The following RAB5C variants were observed in gnomAD, a reference collection of about 807,000 sequenced individuals.
RAB5C encodes the protein RAB5C, member RAS oncogene family.
RAB5C carries 4 observed loss-of-function variants against 25.2 expected under a neutral mutation model. The observed-to-expected ratio is 0.16, with a 90% CI of 0.08 to 0.36. The LOEUF is 0.36. Ranked by LOEUF, RAB5C falls within the 10% of genes least tolerant of loss-of-function variation. The pLI, the probability that RAB5C is intolerant of heterozygous loss-of-function variation, is 1.00. For synonymous variants in RAB5C, 100 were observed against 106.4 expected (o/e 0.94, Z 0.37); for missense variants, 199 against 283.8 (o/e 0.70, Z 2.15).
intron 1 of RAB5C, among the ~76,000 whole-genome samples, chr17:42,132,827 G>A (rs893800809): frequency 4.6e-5 from 7 of 151,714 alleles, no homozygotes; most frequent in Non-Finnish European, 7.4e-5. Flanking sequence ...CAAGCTTTAC[G>A]ACAACCTCCA....
intron 1 of RAB5C, among the ~76,000 whole-genome samples, chr17:42,150,473 G>C (rs770091201): frequency 2.2e-5 from 3 of 133,574 alleles, no homozygotes; most frequent in Non-Finnish European, 4.6e-5. Context: ...GAGCCCGGGA[G>C]ACAGAGGTTG....
chr17:42,127,619 C>T (rs552773899), intron 4 of RAB5C, among the ~76,000 whole-genome samples: 1 of 151,488 alleles, frequency 6.6e-6, no homozygotes, highest in South Asian at 2.1e-4. Flanking sequence ...TCACTGCTCA[C>T]TGCAGCCTCA....
intron 1 of RAB5C, among the ~76,000 whole-genome samples, chr17:42,148,826 T>A (rs552247972): frequency 6.6e-6 from 1 of 152,196 alleles, no homozygotes. Flanking sequence ...GGAGAGGCTG[T>A]ATTGAATAGC....
rs782273492 is a variant in RAB5C at position 42,125,876 on chromosome 17, C to A, written c.558G>T (p.Glu186Asp). The stretch of plus-strand genomic sequence containing the variant: ...CTGGAGCACCAGTTGCATTCTGGGG[C>A]TCGTTCTTGGGAAGCTTCTTAGCTG... Reference protein sequence around the residue: ...MAIAKKLPKNEPQNATGAPGR... With the variant: ...MAIAKKLPKNDPQNATGAPGR... Residue 186 changes from glutamate (E) to aspartate (D), a missense_variant, in exon 6 of 6, where the codon GAG becomes GAT. Transcript: ENST00000346213. 1 of 1,611,032 alleles carries A rather than the reference C, an allele frequency of 6.2e-7. No individual in the cohort carries two copies. The highest frequency in any genetic ancestry group is 8.5e-7 in the Non-Finnish European group (1 of 1,178,784).
intron 1 of RAB5C, among the ~76,000 whole-genome samples, chr17:42,147,068 AAG>A (rs2079640668): frequency 6.8e-6 from 1 of 147,310 alleles, no homozygotes; most frequent in Admixed American, 6.7e-5. Flanking sequence ...GAAAGAAAGA[AAG>A]AAAAAGAAAG....
intron 1 of RAB5C, chr17:42,154,571 A>C (rs577227996): frequency 6.6e-6 from 1 of 152,286 alleles, no homozygotes; most frequent in Non-Finnish European, 1.5e-5. Flanking sequence ...GAGAAGAGGG[A>C]CAGGTTCCTT....
chr17:42,130,605 T>C lies in RAB5C; in HGVS notation c.-88-15A>G, dbSNP rs1280295572. On this transcript the variant is annotated splice_polypyrimidine_tract_variant and intron_variant, in intron 1 of 5. Transcript: ENST00000346213. Reference sequence around the variant, plus strand: ...GGGACCTCCAACTGTAAGGGAGAAATGAGAAGTACTGAGTTAGTTCAGAGG... The same window carrying C: ...GGGACCTCCAACTGTAAGGGAGAAACGAGAAGTACTGAGTTAGTTCAGAGG... 4 of 1,543,610 alleles carry C rather than the reference T, an allele frequency of 2.6e-6. No individual in the cohort carries two copies. The highest frequency in any genetic ancestry group is 8.7e-7 in the Non-Finnish European group (1 of 1,144,796).
At chr17:42,145,999 G>C (rs775079694) in intron 1 of RAB5C, among the ~76,000 whole-genome samples, 20 of 151,994 alleles carry the variant, frequency 1.3e-4, no homozygotes, top group Non-Finnish European at 2.5e-4. Context: ...TAGAGATGAG[G>C]CTTCACCATG....
chr17:42,128,952 G>C, intron 2 of RAB5C, 152 bp from the exon 3 acceptor site: 1 of 719,014 alleles, frequency 1.4e-6, no homozygotes, highest in Non-Finnish European at 2.0e-6. Context: ...GGCCTGAGTG[G>C]GGGGTGGAGT....
intron 1 of RAB5C, among the ~76,000 whole-genome samples, chr17:42,142,245 G>A (rs941057688): frequency 1.3e-5 from 2 of 151,222 alleles, no homozygotes; most frequent in African/African-American, 4.9e-5. Flanking sequence ...ATGTTGCCCA[G>A]GCTGATCTCA....
At chr17:42,147,179 A>C (rs1396158831) in intron 1 of RAB5C, among the ~76,000 whole-genome samples, 1 of 152,152 alleles carries the variant, frequency 6.6e-6, no homozygotes, top group Non-Finnish European at 1.5e-5. Flanking sequence ...AGAAAGAAAG[A>C]AAGACCAGCC....
chr17:42,148,110 A>C (rs566076285), intron 1 of RAB5C, among the ~76,000 whole-genome samples: 63 of 151,800 alleles, frequency 4.2e-4, no homozygotes, highest in African/African-American at 1.1e-3. Context: ...AAAACAAACA[A>C]AAAAAAAGAA....
chr17:42,144,890 G>A (rs1321303612), intron 1 of RAB5C, among the ~76,000 whole-genome samples: 1 of 124,410 alleles, frequency 8.0e-6, no homozygotes, highest in Non-Finnish European at 1.6e-5. Context: ...TTGCCCCACT[G>A]CATCCAGCCT....
At chr17:42,147,082 A>AAGAAAGAAAGAAAGAAGGAAAGAC (rs1480741155) in intron 1 of RAB5C, among the ~76,000 whole-genome samples, 1 of 151,342 alleles carries the variant, frequency 6.6e-6, no homozygotes, top group Non-Finnish European at 1.5e-5. Context: ...AAAAGAAAGA[A>AAGAAAGAAAGAAAGAAGGAAAGAC]AGAAAGAAAG....
At chr17:42,147,521 T>C (rs2079645033) in intron 1 of RAB5C, among the ~76,000 whole-genome samples, 1 of 152,224 alleles carries the variant, frequency 6.6e-6, no homozygotes, top group Non-Finnish European at 1.5e-5. Context: ...GGACTGTGGC[T>C]AGTCAGGGCC....
At chr17:42,139,027 C>T (rs2054565250) in intron 1 of RAB5C, among the ~76,000 whole-genome samples, 1 of 152,206 alleles carries the variant, frequency 6.6e-6, no homozygotes, top group Admixed American at 6.5e-5. Flanking sequence ...TGAGCTTCTT[C>T]CCAGCTCTCA....
In RAB5C at chr17:42,126,815, G is replaced by A. The variant is rs928455242; in HGVS notation, c.475C>T (p.Leu159=). ...AQAYADDNSL[L]FMETSAKTAM... ...GTCTTTGCTGATGTCTCCATGAACA[G>A]CAAACTGTTGTCGTCTGCATAGGCT... Residue 159 remains leucine, a synonymous_variant, in exon 5 of 6, where the codon CTG becomes TTG. Coordinates refer to ENST00000346213, the MANE Select transcript of RAB5C (RefSeq NM_004583.4). 6.2e-7 allele frequency: 1 copy of A among 1,613,160 alleles called. No individual in the cohort carries two copies. The highest frequency in any genetic ancestry group is 1.3e-5 in the African/African-American group (1 of 75,004).
At chr17:42,151,728 G>A (rs1371572579) in intron 1 of RAB5C, among the ~76,000 whole-genome samples, 1 of 152,126 alleles carries the variant, frequency 6.6e-6, no homozygotes, top group Non-Finnish European at 1.5e-5. Flanking sequence ...AAAAATTAAT[G>A]ACATGTAGAT....
intron 1 of RAB5C, among the ~76,000 whole-genome samples, chr17:42,134,965 CTTTT>C (rs756723514): frequency 7.8e-3 from 4 of 510 alleles, no homozygotes; most frequent in South Asian, 0.031. Context: ...GTCTCAAATT[CTTTT>C]TTTTTCTTAA....
Sources: gnomAD v4.1 joint callset for allele counts (sites outside exome capture counted in the v4.1 genomes callset) on GRCh38, gnomAD v4.1.1 for gene constraint, MANE v1.5 for transcripts, NCBI Gene and HGNC (gene_info 2026-07-23, HGNC 2026-07-21) for gene names.